Variants in ODF2L observed in about 807,000 individuals in gnomAD.
ODF2L encodes the protein outer dense fiber of sperm tails 2 like, also known as protein BCAP.
A neutral mutation model predicts 86.3 loss-of-function variants in ODF2L; 76 were observed. The observed-to-expected ratio is 0.88, with a 90% CI of 0.73 to 1.07. ODF2L has a LOEUF of 1.07. Among genes scored for constraint, ODF2L ranks in the 50% least tolerant of loss-of-function variants. The pLI, the probability that ODF2L is intolerant of heterozygous loss-of-function variation, is 0.00. For synonymous variants in ODF2L, 241 were observed against 231.3 expected, an observed-to-expected ratio of 1.04 and a Z score of -0.38; for missense variants, 748 against 717.4, an observed-to-expected ratio of 1.04 and a Z score of -0.49.
exon 7 of ODF2L, chr1:86,382,353 A>G (rs1660645905): frequency 6.2e-7 from 1 of 1,611,064 alleles, no homozygotes. Flanking sequence ...CTTTCAAAGT[A>G]TTTGCCTGTA....
At chr1:86,348,646 T>C (rs1462990215), downstream of ODF2L, 1 of 1,049,746 alleles carries the variant, frequency 9.5e-7, no homozygotes, top group Non-Finnish European at 1.3e-6. Context: ...ATACTACCAC[T>C]CATAAATCAT....
exon 3 of ODF2L, chr1:86,385,535 C>A: frequency 6.2e-7 from 1 of 1,608,964 alleles, no homozygotes; most frequent in South Asian, 1.1e-5. Flanking sequence ...ACCAACTCCG[C>A]TTCCTTAAGT....
intron 12 of ODF2L, among the ~76,000 whole-genome samples, chr1:86,360,082 G>T (rs998835045): frequency 6.6e-6 from 1 of 152,090 alleles, no homozygotes; most frequent in African/African-American, 2.4e-5. Flanking sequence ...CCCTAGAAGG[G>T]AGTCATTAAT....
intron 17 of ODF2L, 129 bp downstream of exon 16, chr1:86,352,730 C>G: frequency 1.7e-6 from 1 of 577,946 alleles, no homozygotes; most frequent in East Asian, 3.3e-5. Context: ...TTTGTTATGT[C>G]TTATATTGCT....
At chr1:86,369,557 A>T (rs558195856) in intron 10 of ODF2L, among the ~76,000 whole-genome samples, 1 of 152,182 alleles carries the variant, frequency 6.6e-6, no homozygotes, top group Non-Finnish European at 1.5e-5. Context: ...CATTGGTCTA[A>T]AGGAGACTGA....
At chr1:86,389,997 A>G (rs1288201981) in intron 1 of ODF2L, among the ~76,000 whole-genome samples, 2 of 152,236 alleles carry the variant, frequency 1.3e-5, no homozygotes, top group African/African-American at 4.8e-5. Context: ...ACACTACTCC[A>G]CAAGATACAG....
exon 7 of ODF2L, chr1:86,382,340 T>C: frequency 6.2e-7 from 1 of 1,611,756 alleles, no homozygotes. Flanking sequence ...GAAAAACGGT[T>C]TGCTTTCAAA....
In ODF2L at chr1:86,392,276, G is replaced by A. The variant is rs553066831; in HGVS notation, c.-60+3757C>T. ...CAACCGCTATGGAAAACAGTGTGGA[G>A]ATTCCTTAAAGAACTAATAGTAGAG... On this transcript the variant is annotated intron_variant, in intron 1 of 17. Coordinates refer to ENST00000317336, the Ensembl canonical transcript of ODF2L. Among the ~76,000 whole-genome samples the A allele has an allele frequency of 1.4e-3, 218 of 152,280 alleles. 1 individual carries two copies. The highest frequency in any genetic ancestry group is 2.4e-3 in the Non-Finnish European group (161 of 68,020).
intron 1 of ODF2L, among the ~76,000 whole-genome samples, chr1:86,389,197 G>C (rs1441619086): frequency 1.3e-5 from 2 of 152,154 alleles, no homozygotes; most frequent in African/African-American, 2.4e-5. Context: ...ACAATAAAAT[G>C]TTTTCAGTAA....
chr1:86,383,286 T>A, intron 4 of ODF2L, 90 bp from the exon 5 acceptor site: 1 of 566,240 alleles, frequency 1.8e-6, no homozygotes, highest in Non-Finnish European at 3.1e-6. Flanking sequence ...CTCAATAAAT[T>A]AATATGACTT....
intron 1 of ODF2L, among the ~76,000 whole-genome samples, chr1:86,391,728 C>A (rs1661344183): frequency 6.6e-6 from 1 of 151,958 alleles, no homozygotes; most frequent in Non-Finnish European, 1.5e-5. Context: ...AAATCTAAGA[C>A]CTGAAACTAT....
rs547649519 is a variant in ODF2L at position 86,370,971 on chromosome 1, A to G, written c.1056+47T>C. The G allele has an allele frequency of 2.0e-5, 25 of 1,277,890 alleles. No homozygotes were observed. The South Asian group carries it at 4.5e-4, about 23-fold the overall frequency. The allele number at this position is 1,277,890 out of a possible 1,614,324, so 79.2% of individuals were successfully genotyped here. A position where few individuals can be genotyped will look rare whatever the true frequency, so the allele number is the denominator to read the frequency against. On this transcript the variant is annotated intron_variant, in intron 10 of 17. Coordinates refer to ENST00000317336, the Ensembl canonical transcript of ODF2L. Reference sequence around the variant, plus strand: ...TCAAGCTATTTCTACTAAGTAGACTATGGTCATTACACAATACATGCCTGC... The same window carrying G: ...TCAAGCTATTTCTACTAAGTAGACTGTGGTCATTACACAATACATGCCTGC...
intron 12 of ODF2L, 52 bp from the exon 12 acceptor site, chr1:86,358,943 A>C: frequency 3.5e-6 from 3 of 859,094 alleles, no homozygotes; most frequent in Non-Finnish European, 5.3e-6. Flanking sequence ...ATAACATGAG[A>C]TAAAAATCTA....
chr1:86,361,119 A>T (rs1244410958), intron 11 of ODF2L, among the ~76,000 whole-genome samples: 2 of 152,246 alleles, frequency 1.3e-5, no homozygotes, highest in African/African-American at 4.8e-5. Context: ...GAAATGTAAA[A>T]GTCTGAGATT....
At chr1:86,361,836 T>C (rs1659056341) in intron 11 of ODF2L, among the ~76,000 whole-genome samples, 1 of 152,228 alleles carries the variant, frequency 6.6e-6, no homozygotes, top group Non-Finnish European at 1.5e-5. Flanking sequence ...AGTTACTTTT[T>C]AAAATGCTGC....
chr1:86,389,751 C>T (rs1407057147), intron 1 of ODF2L, among the ~76,000 whole-genome samples: 1 of 152,130 alleles, frequency 6.6e-6, no homozygotes, highest in East Asian at 1.9e-4. Flanking sequence ...ACTCAGGCTA[C>T]TATGAACACC....
chr1:86,379,367 A>G (rs954361205), intron 7 of ODF2L, among the ~76,000 whole-genome samples: 6 of 152,226 alleles, frequency 3.9e-5, no homozygotes, highest in Admixed American at 3.9e-4. Flanking sequence ...TAATGCTACC[A>G]TTATCAAAGA....
At chr1:86,361,195 G>T (rs1380741390) in intron 11 of ODF2L, among the ~76,000 whole-genome samples, 2 of 152,194 alleles carry the variant, frequency 1.3e-5, no homozygotes, top group Non-Finnish European at 2.9e-5. Context: ...GAAGGTACAA[G>T]ATTCCTAGGT....
chr1:86,357,703 G>A, intron 13 of ODF2L: 1 of 964,188 alleles, frequency 1.0e-6, no homozygotes, highest in Non-Finnish European at 1.2e-6. Context: ...GAGGCCATGA[G>A]AAAACCAGGA....
Sources: gnomAD v4.1 joint callset for allele counts (sites outside exome capture counted in the v4.1 genomes callset) on GRCh38, gnomAD v4.1.1 for gene constraint, MANE v1.5 for transcripts, NCBI Gene and HGNC (gene_info 2026-07-23, HGNC 2026-07-21) for gene names.